The following DYRK1A variants were observed in gnomAD, a reference collection of about 807,000 sequenced individuals.
DYRK1A encodes dual specificity tyrosine phosphorylation regulated kinase 1A.
A neutral mutation model predicts 79.7 loss-of-function variants in DYRK1A; 9 were observed. The ratio of observed to expected loss-of-function variants is 0.11; its 90% CI spans 0.07 to 0.20. The LOEUF (loss-of-function observed/expected upper bound fraction) is 0.20, where lower values mean the gene tolerates loss of function less well. Among genes scored for constraint, DYRK1A ranks in the 10% least tolerant of loss-of-function variants. The pLI, the probability that DYRK1A is intolerant of heterozygous loss-of-function variation, is 1.00. For missense variants in DYRK1A, 622 were observed against 956.0 expected (o/e 0.65, Z 4.61); for synonymous variants, 349 against 329.7 (o/e 1.06, Z -0.63).
At chr21:37,403,143 T>G (rs2050083352) in intron 1 of DYRK1A, among the ~76,000 whole-genome samples, 1 of 152,164 alleles carries the variant, frequency 6.6e-6, no homozygotes, top group African/African-American at 2.4e-5. Flanking sequence ...TGCTGTTTAA[T>G]TTCATCTAGT....
rs74443901 is a variant in DYRK1A at position 37,417,029 on chromosome 21, A to G, written c.-76-3270A>G. ...TACTTTAGTTATTTTGAAATTAGAT[A>G]TAATTTTTAGTTTGGTGTCATTACA... On this transcript the variant is annotated intron_variant, in intron 1 of 11. Coordinates refer to ENST00000647188, the MANE Select transcript of DYRK1A (RefSeq NM_001347721.2). Among the ~76,000 whole-genome samples, 344 of 152,238 alleles carry G rather than the reference A, an allele frequency of 2.3e-3. 3 individuals carry two copies. Among genetic ancestry groups the G allele is most frequent in the Middle Eastern group, 0.014 (4 of 294 alleles).
chr21:37,504,305 C>A (rs1025602256), intron 9 of DYRK1A: 11 of 152,428 alleles, frequency 7.2e-5, no homozygotes, highest in African/African-American at 2.4e-4. Flanking sequence ...ACTGCCCCAT[C>A]CTTCTGTCTG....
rs189285247 is a variant in DYRK1A at position 37,425,859 on chromosome 21, C to T, written c.10+5475C>T. The stretch of plus-strand genomic sequence containing the variant: ...TGTGCAGAAGGAGGCATGAGGGTGT[C>T]TGATGGACCTGAGAATAGGAGAACC... On this transcript the variant is annotated intron_variant, in intron 2 of 11. Transcript: ENST00000647188. 4.6e-5 allele frequency: 7 copies of T among 152,352 alleles called. No individual in the cohort carries two copies. The East Asian group carries it at 1.4e-3, about 29-fold the overall frequency. The allele number at this position is 152,352 out of a possible 1,614,324, so 9.4% of individuals were successfully genotyped here. A position where few individuals can be genotyped will look rare whatever the true frequency, so the allele number is the denominator to read the frequency against.
intron 1 of DYRK1A, among the ~76,000 whole-genome samples, chr21:37,382,488 C>T (rs1225235671): frequency 4.0e-5 from 6 of 151,844 alleles, no homozygotes; most frequent in Non-Finnish European, 8.8e-5. Context: ...TTGGTAGCAC[C>T]GTTTTAAACT....
rs529984069 is a variant in DYRK1A, at chr21:37,437,329, T to A, written c.10+16945T>A. Among the ~76,000 whole-genome samples the A allele has an allele frequency of 2.4e-3, 363 of 152,298 alleles. 2 individuals are homozygous for A. The highest frequency in any genetic ancestry group is 3.4e-3 in the Middle Eastern group (1 of 294). On this transcript the variant is annotated intron_variant, in intron 2 of 11. Coordinates refer to ENST00000647188, the MANE Select transcript of DYRK1A (RefSeq NM_001347721.2). The stretch of plus-strand genomic sequence containing the variant: ...ATATGAAAATGTGGTATTGAGTAAT[T>A]TCAAGGGGTTTTTGAGTTGCCATCA...
In DYRK1A at chr21:37,480,764, G is replaced by C; in HGVS notation, c.427G>C (p.Gly143Arg). Residue 143 changes from glycine to arginine, a missense_variant, in exon 5 of 12, where the codon GGA (glycine) becomes CGA (arginine). This residue lies in a region of DYRK1A where 138 missense variants were observed against 346.4 expected (regional missense o/e 0.40). Transcript: ENST00000647188. Reference protein sequence around the residue: ...DDNYDYIVKNGEKWMDRYEID... With the variant: ...DDNYDYIVKNREKWMDRYEID... ...TAACTATGATTATATTGTAAAAAACGGAGAAAAGTGGATGGATCGTTACGA... is the reference window on the plus strand; with the variant it reads ...TAACTATGATTATATTGTAAAAAACCGAGAAAAGTGGATGGATCGTTACGA... 6.2e-7 allele frequency: 1 copy of C among 1,612,096 alleles called. No individual in the cohort carries two copies. Among genetic ancestry groups the C allele is most frequent in the Non-Finnish European group, 8.5e-7 (1 of 1,179,176 alleles).
At chr21:37,438,535 T>G (rs1401348421) in intron 2 of DYRK1A, among the ~76,000 whole-genome samples, 1 of 152,212 alleles carries the variant, frequency 6.6e-6, no homozygotes, top group African/African-American at 2.4e-5. Flanking sequence ...ATCACTTTTT[T>G]TTGCAAATGG....
chr21:37,488,621 G>C, intron 6 of DYRK1A: 1 of 985,324 alleles, frequency 1.0e-6, no homozygotes, highest in Non-Finnish European at 1.2e-6. Flanking sequence ...ATGCTTGTTT[G>C]AGCTTTCTTT....
intron 4 of DYRK1A, among the ~76,000 whole-genome samples, chr21:37,479,603 TTTGTTTTTGTTTTTTG>T (rs1354270186): frequency 3.4e-4 from 25 of 72,848 alleles, no homozygotes; most frequent in African/African-American, 2.6e-3. Flanking sequence ...TGTTTTTGTT[TTTGTTTTTGTTTTTTG>T]TTTTTTTTTT....
At chr21:37,468,874 T>A (rs1258695377) in intron 2 of DYRK1A, among the ~76,000 whole-genome samples, 1 of 152,152 alleles carries the variant, frequency 6.6e-6, no homozygotes, top group African/African-American at 2.4e-5. Context: ...TTCATCAAAG[T>A]ATACCATTAA....
intron 6 of DYRK1A, chr21:37,488,713 T>A (rs2052964929): frequency 4.1e-6 from 4 of 985,294 alleles, no homozygotes; most frequent in Non-Finnish European, 4.8e-6. Flanking sequence ...ACTAAGTAGA[T>A]CTTTCATTGG....
chr21:37,509,399 A>G (rs2053690283), intron 11 of DYRK1A, among the ~76,000 whole-genome samples: 1 of 152,186 alleles, frequency 6.6e-6, no homozygotes, highest in South Asian at 2.1e-4. Context: ...CCCGTTGTTT[A>G]GATATTCCAT....
At chr21:37,455,593 A>G (rs2148512766) in intron 2 of DYRK1A, among the ~76,000 whole-genome samples, 1 of 152,266 alleles carries the variant, frequency 6.6e-6, no homozygotes, top group East Asian at 1.9e-4. Context: ...AAGTCCTGTC[A>G]GTCTGCTCTC....
chr21:37,406,747 C>CTCTATATA (rs2050153049), intron 1 of DYRK1A, among the ~76,000 whole-genome samples: 1 of 147,918 alleles, frequency 6.8e-6, no homozygotes, highest in Admixed American at 6.8e-5. Context: ...CTCTATATAT[C>CTCTATATA]TCTATATATC....
upstream of DYRK1A, chr21:37,366,158 G>C (rs1197797503): frequency 1.3e-5 from 2 of 151,474 alleles, no homozygotes; most frequent in Non-Finnish European, 3.0e-5. Context: ...TTCCCGGGGA[G>C]AGAGGCGAGC....
At chr21:37,446,019 A>G (rs992942946) in intron 2 of DYRK1A, among the ~76,000 whole-genome samples, 6 of 152,198 alleles carry the variant, frequency 3.9e-5, no homozygotes, top group African/African-American at 1.2e-4. Flanking sequence ...TTGATGTGGG[A>G]GGAAGAGCAT....
rs755097100 is a variant in DYRK1A at position 37,506,241 on chromosome 21, T to C, written c.1644+18T>C. On this transcript the variant is annotated intron_variant, in intron 11 of 11. Transcript: ENST00000647188. ...GTCCCCAGGTGAGCTCGCACGTGGT[T>C]CATTTGCTTGTGTCACCTGCCATTC... 9 of 1,613,956 alleles carry C rather than the reference T, an allele frequency of 5.6e-6. No individual in the cohort carries two copies. The highest frequency in any genetic ancestry group is 5.9e-6 in the Non-Finnish European group (7 of 1,179,958).
chr21:37,519,891 G>C lies in DYRK1A; in HGVS notation c.*7360G>C, dbSNP rs112432966. On this transcript the variant is annotated 3_prime_UTR_variant, in exon 12 of 12. Transcript: ENST00000647188. Reference sequence around the variant, plus strand: ...AGAGTAGCTGGGACTACTGGCGCCCGCCACCACGCCCGGCTAATTTTTTTT... The same window carrying C: ...AGAGTAGCTGGGACTACTGGCGCCCCCCACCACGCCCGGCTAATTTTTTTT... 1 of 152,000 alleles carries C rather than the reference G, an allele frequency of 6.6e-6. No homozygotes were observed. Among genetic ancestry groups the C allele is most frequent in the African/African-American group, 2.4e-5 (1 of 41,266 alleles). The allele number at this position is 152,000 out of a possible 1,614,324, so 9.4% of individuals were successfully genotyped here.
chr21:37,497,185 T>A (rs910657917), intron 9 of DYRK1A, among the ~76,000 whole-genome samples: 10 of 152,210 alleles, frequency 6.6e-5, no homozygotes, highest in African/African-American at 2.4e-4. Flanking sequence ...TTCAGTGAAC[T>A]GAAGATGATG....
Sources: gnomAD v4.1 joint callset for allele counts (sites outside exome capture counted in the v4.1 genomes callset) on GRCh38, gnomAD v4.1.1 for gene constraint, gnomAD v4.1.1 regional missense constraint, MANE v1.5 for transcripts, NCBI Gene and HGNC (gene_info 2026-07-23, HGNC 2026-07-21) for gene names.